The following AFF4 variants were observed in gnomAD, a reference collection of about 807,000 sequenced individuals.
AFF4 encodes the protein AF4/FMR2 family member 4.
Under a neutral mutation model 124.8 loss-of-function variants are expected in AFF4, and 13 were observed. The observed-to-expected ratio is 0.10, with a 90% confidence interval of 0.07 to 0.17. AFF4 has a LOEUF of 0.17. Among genes scored for constraint, AFF4 ranks in the 10% least tolerant of loss-of-function variants. The pLI is 1.00. For synonymous variants in AFF4, 477 were observed against 496.1 expected (o/e 0.96, Z 0.51); for missense variants, 1,092 against 1,403.8 (o/e 0.78, Z 3.55).
chr5:132,913,072 A>C (rs919268661), intron 5 of AFF4, among the ~76,000 whole-genome samples: 1 of 152,220 alleles, frequency 6.6e-6, no homozygotes, highest in Non-Finnish European at 1.5e-5. Flanking sequence ...AAGAACATAA[A>C]CAGGTTAAAA....
Position 132,927,141 on chromosome 5 carries a change from T to C in AFF4, c.1030A>G (p.Lys344Glu). The part of the protein sequence containing the change: ...IHTPCKTEPS[K>E]FPFPTKESQQ... The stretch of plus-strand genomic sequence containing the variant: ...CTTACCTTAGTTGGAAAAGGAAATT[T>C]GGAAGGTTCTGTTTTGCATGGTGTA... Residue 344 changes from lysine (K) to glutamate (E), a missense_variant, in exon 5 of 21, where the codon AAA becomes GAA. Coordinates refer to ENST00000265343, the MANE Select transcript of AFF4 (RefSeq NM_014423.4). The C allele has an allele frequency of 1.9e-6, 3 of 1,612,580 alleles. No homozygotes were observed. Among genetic ancestry groups the C allele is most frequent in the Non-Finnish European group, 2.5e-6 (3 of 1,179,550 alleles).
chr5:132,901,743 A>T (rs1476217827), intron 7 of AFF4, among the ~76,000 whole-genome samples: 1 of 152,218 alleles, frequency 6.6e-6, no homozygotes, highest in Non-Finnish European at 1.5e-5. Context: ...TTATTTTATG[A>T]CTTATTAAAT....
chr5:132,927,160 T>C lies in AFF4; in HGVS notation c.1011A>G (p.Pro337=), dbSNP rs752625960. Reference sequence around the variant, plus strand: ...GAAATTTGGAAGGTTCTGTTTTGCATGGTGTATGAATAGCCGTTAGAGGGG... The same window carrying C: ...GAAATTTGGAAGGTTCTGTTTTGCACGGTGTATGAATAGCCGTTAGAGGGG... ...WPPPLTAIHT[P]CKTEPSKFPF... is the part of the protein sequence containing the mutation. The change falls in exon 5 of 21, where the codon CCA becomes CCG. Residue 337 remains proline, a synonymous_variant. Coordinates refer to ENST00000265343, the MANE Select transcript of AFF4 (RefSeq NM_014423.4). The C allele has an allele frequency of 1.9e-6, 3 of 1,612,944 alleles. No individual in the cohort carries two copies. The highest frequency in any genetic ancestry group is 2.2e-5 in the East Asian group (1 of 44,808).
chr5:132,898,556 T>G (rs1012074469), intron 9 of AFF4, among the ~76,000 whole-genome samples, 164 bp from the exon 10 acceptor site: 24 of 152,190 alleles, frequency 1.6e-4, no homozygotes, highest in African/African-American at 4.6e-4. Context: ...CGATCTCAGC[T>G]CACTGCAACC....
chr5:132,897,687 G>A (rs1244581913), intron 10 of AFF4, among the ~76,000 whole-genome samples: 1 of 149,648 alleles, frequency 6.7e-6, no homozygotes. Context: ...TCCAGCCTGG[G>A]TGACAGAGTA....
intron 5 of AFF4, among the ~76,000 whole-genome samples, chr5:132,923,495 G>A (rs1761101924): frequency 6.6e-6 from 1 of 152,146 alleles, no homozygotes; most frequent in Non-Finnish European, 1.5e-5. Context: ...TTGTGCTTGG[G>A]ACACTGAAAC....
intron 1 of AFF4, among the ~76,000 whole-genome samples, chr5:132,946,114 A>G (rs781587957): frequency 6.6e-6 from 1 of 152,198 alleles, no homozygotes; most frequent in Non-Finnish European, 1.5e-5. Context: ...AAAACCCACA[A>G]TATCACTCCA....
chr5:132,906,012 T>A (rs1482356242), intron 5 of AFF4, among the ~76,000 whole-genome samples: 4 of 152,120 alleles, frequency 2.6e-5, no homozygotes, highest in African/African-American at 7.2e-5. Context: ...AAATGGCCAA[T>A]AAGCAGATGA....
intron 7 of AFF4, 75 bp from the exon 8 acceptor site, chr5:132,899,716 A>G: frequency 7.5e-7 from 1 of 1,324,524 alleles, no homozygotes; most frequent in African/African-American, 1.5e-5. Context: ...ATATCTACTA[A>G]AAATTCTAGA....
rs533623685 is a variant in AFF4, at chr5:132,893,826, C to T, written c.2308-708G>A. 2.0e-5 allele frequency among the ~76,000 whole-genome samples: 3 copies of T among 152,214 alleles called. No homozygotes were observed. In the East Asian group the frequency reaches 5.8e-4, roughly 29 times the overall value. On this transcript the variant is annotated intron_variant, in intron 11 of 20. Transcript: ENST00000265343. ...TTATCCTGAAAACACACTCTATACC[C>T]ATTAGTAGTCACTCCCCATCTCCTC...
chr5:132,921,888 C>T (rs1761057298), intron 5 of AFF4, among the ~76,000 whole-genome samples: 1 of 151,752 alleles, frequency 6.6e-6, no homozygotes, highest in Admixed American at 6.6e-5. Context: ...TCAAGCAATC[C>T]TCCCAGCTTA....
chr5:132,952,668 C>T (rs1761872520), intron 1 of AFF4, among the ~76,000 whole-genome samples: 1 of 152,168 alleles, frequency 6.6e-6, no homozygotes, highest in African/African-American at 2.4e-5. Context: ...CCAAGGCAGG[C>T]AGATCACTTG....
intron 5 of AFF4, 99 bp from the exon 6 acceptor site, chr5:132,904,503 A>C: frequency 9.7e-7 from 1 of 1,028,542 alleles, no homozygotes; most frequent in Non-Finnish European, 1.4e-6. Context: ...GTACTTGAAA[A>C]AGCACAGAAA....
intron 5 of AFF4, among the ~76,000 whole-genome samples, chr5:132,925,599 T>C (rs1761152094): frequency 6.6e-6 from 1 of 151,990 alleles, no homozygotes; most frequent in South Asian, 2.1e-4. Context: ...ACTCAATAGG[T>C]AAAAAATGCA....
At chr5:132,932,612 C>T (rs1761326119) in intron 3 of AFF4, among the ~76,000 whole-genome samples, 1 of 152,154 alleles carries the variant, frequency 6.6e-6, no homozygotes, top group African/African-American at 2.4e-5. Flanking sequence ...ATGCCAGAGG[C>T]TGCAAATTTT....
intron 1 of AFF4, among the ~76,000 whole-genome samples, chr5:132,957,048 A>C (rs977116518): frequency 2.1e-5 from 3 of 141,844 alleles, no homozygotes; most frequent in Admixed American, 6.9e-5. Context: ...AAAAAAAAAA[A>C]ACAGAAAAAT....
intron 13 of AFF4, chr5:132,891,852 A>T (rs1422478275): frequency 2.3e-6 from 1 of 433,408 alleles, no homozygotes; most frequent in Non-Finnish European, 4.1e-6. Flanking sequence ...GGGTCTCACC[A>T]CATTGCCCAG....
At chr5:132,883,941 C>A (rs1760049974) in intron 19 of AFF4, among the ~76,000 whole-genome samples, 1 of 152,098 alleles carries the variant, frequency 6.6e-6, no homozygotes, top group African/African-American at 2.4e-5. Flanking sequence ...TGGTGGAATT[C>A]ACATTTAACC....
intron 15 of AFF4, 54 bp downstream of exon 15, chr5:132,888,043 A>G: frequency 6.2e-7 from 1 of 1,606,592 alleles, no homozygotes; most frequent in Non-Finnish European, 8.5e-7. Flanking sequence ...ACATCAGAAG[A>G]TTACTTAAGT....
Sources: gnomAD v4.1 joint callset for allele counts (sites outside exome capture counted in the v4.1 genomes callset) on GRCh38, gnomAD v4.1.1 for gene constraint, MANE v1.5 for transcripts, NCBI Gene and HGNC (gene_info 2026-07-23, HGNC 2026-07-21) for gene names.